The following ESR1 variants were observed in gnomAD, a reference collection of about 807,000 sequenced individuals.
The protein encoded by ESR1 is estrogen receptor 1.
In ESR1, 12 loss-of-function variants were observed where a neutral mutation model predicts 52.7. That is an observed-to-expected ratio of 0.23 (90% CI 0.15 to 0.37). ESR1 has a LOEUF of 0.37. Ranked by LOEUF, ESR1 falls within the 10% of genes least tolerant of loss-of-function variation. The probability of loss-of-function intolerance (pLI) is 1.00; values close to 1 mark genes in which losing one functional copy is unlikely to be tolerated. For synonymous variants in ESR1, 305 were observed against 316.8 expected, an observed-to-expected ratio of 0.96 and a Z score of 0.39; for missense variants, 584 against 779.7, an observed-to-expected ratio of 0.75 and a Z score of 2.99.
chr6:151,847,592 T>G (rs1007802333), intron 2 of ESR1, among the ~76,000 whole-genome samples: 1 of 139,296 alleles, frequency 7.2e-6, no homozygotes, highest in Non-Finnish European at 1.5e-5. Flanking sequence ...GGGTTGTTTG[T>G]TTTTTTCTTG....
chr6:152,115,430 C>T (rs2051199236), intron 6 of ESR1, among the ~76,000 whole-genome samples: 1 of 152,160 alleles, frequency 6.6e-6, no homozygotes, highest in Admixed American at 6.5e-5. Context: ...GAATGACAAA[C>T]TAGTTCCTTA....
intron 3 of ESR1, among the ~76,000 whole-genome samples, chr6:151,911,594 C>T (rs934044027): frequency 2.2e-4 from 34 of 152,206 alleles, no homozygotes; most frequent in Admixed American, 1.5e-3. Context: ...TGCTCTGACT[C>T]GCCTCTGGGA....
chr6:151,955,811 A>G (rs990682796), intron 4 of ESR1, among the ~76,000 whole-genome samples: 5 of 152,032 alleles, frequency 3.3e-5, no homozygotes, highest in Non-Finnish European at 7.4e-5. Context: ...TACACAGATT[A>G]TTTTGTCACC....
rs17847067 is a variant in ESR1, at chr6:152,011,696, A to G, written c.1137A>G (p.Leu379=). Residue 379 remains leucine (L), a synonymous_variant, in exon 5 of 8, where the codon CTA becomes CTG. Coordinates refer to ENST00000206249, the MANE Select transcript of ESR1 (RefSeq NM_000125.4). ...CCCTCCATGATCAGGTCCACCTTCT[A>G]GAATGTGCCTGGCTAGAGATCCTGA... ...DLTLHDQVHL[L]ECAWLEILMI... is the part of the protein sequence containing the mutation. 1 of 1,613,266 alleles carries G rather than the reference A, an allele frequency of 6.2e-7. No homozygotes were observed. The highest frequency in any genetic ancestry group is 2.2e-5 in the East Asian group (1 of 44,832).
intron 1 of ESR1, among the ~76,000 whole-genome samples, chr6:151,691,326 G>A (rs892308807): frequency 6.6e-6 from 1 of 152,106 alleles, no homozygotes; most frequent in African/African-American, 2.4e-5. Context: ...ACCACATATA[G>A]CAGTGGGCTA....
chr6:151,908,633 A>T (rs1797802223), intron 3 of ESR1, among the ~76,000 whole-genome samples: 1 of 152,198 alleles, frequency 6.6e-6, no homozygotes, highest in Admixed American at 6.5e-5. Context: ...TTCCCTAAAA[A>T]GTTATGTCAT....
At chr6:151,893,234 A>C (rs961535124) in intron 3 of ESR1, among the ~76,000 whole-genome samples, 4 of 152,172 alleles carry the variant, frequency 2.6e-5, no homozygotes, top group Non-Finnish European at 4.4e-5. Context: ...CTGTAATCCC[A>C]GCTACTCAGG....
At chr6:151,859,098 C>G (rs989970389) in intron 2 of ESR1, among the ~76,000 whole-genome samples, 1 of 152,186 alleles carries the variant, frequency 6.6e-6, no homozygotes, top group Non-Finnish European at 1.5e-5. Context: ...AACAGGACTT[C>G]ATGTTCAATA....
intron 2 of ESR1, among the ~76,000 whole-genome samples, chr6:151,744,531 G>C (rs1378373282): frequency 6.6e-6 from 1 of 152,008 alleles, no homozygotes; most frequent in South Asian, 2.1e-4. Context: ...GAAAATGTAT[G>C]TTCAATTTTT....
intron 5 of ESR1, among the ~76,000 whole-genome samples, chr6:152,014,841 A>T (rs141214202): frequency 6.6e-6 from 1 of 152,064 alleles, no homozygotes. Context: ...TGTGATCATG[A>T]TGCTTCCTGA....
At chr6:152,103,980 CT>C (rs369261779), downstream of ESR1, among the ~76,000 whole-genome samples, 1,571 of 93,844 alleles carry the variant, frequency 0.017, 15 homozygotes, top group African/African-American at 0.059. Flanking sequence ...TTCATTCTAC[CT>C]TTTTTTTTTT....
intron 4 of ESR1, among the ~76,000 whole-genome samples, chr6:151,955,252 A>G (rs2036773050): frequency 6.6e-6 from 1 of 152,180 alleles, no homozygotes; most frequent in South Asian, 2.1e-4. Flanking sequence ...AATAAACTAA[A>G]CTTAACATAC....
chr6:151,799,634 C>T (rs899363256), upstream of ESR1, among the ~76,000 whole-genome samples: 3 of 152,082 alleles, frequency 2.0e-5, no homozygotes, highest in Admixed American at 1.3e-4. Flanking sequence ...TACAGGCCAA[C>T]TTGGGGAAGC....
chr6:152,020,285 C>T (rs2043523843), intron 5 of ESR1, among the ~76,000 whole-genome samples: 1 of 152,050 alleles, frequency 6.6e-6, no homozygotes, highest in Non-Finnish European at 1.5e-5. Flanking sequence ...CAAGATCATT[C>T]CTTATGTTGG....
chr6:151,710,076 C>T lies in ESR1; in HGVS notation c.-71+8071C>T, dbSNP rs559883614. ...GTTTAAACATCACATGTTAAATAAT[C>T]TTTTCTCCAATAAATTAAATTATAT... On this transcript the variant is annotated intron_variant, in intron 2 of 2. Transcript: ENST00000404742. Among the ~76,000 whole-genome samples, 187 of 151,928 alleles carry T rather than the reference C, an allele frequency of 1.2e-3. 1 individual carries two copies. Among genetic ancestry groups the T allele is most frequent in the African/African-American group, 4.2e-3 (176 of 41,502 alleles).
intron 3 of ESR1, among the ~76,000 whole-genome samples, chr6:151,908,876 AT>A (rs397754522): frequency 0.014 from 1,955 of 144,574 alleles, 22 homozygotes; most frequent in African/African-American, 0.042. Context: ...GTTTAAAGCA[AT>A]TTTTTTTTTT....
intron 5 of ESR1, among the ~76,000 whole-genome samples, chr6:152,041,168 C>T (rs1212803675): frequency 1.3e-5 from 2 of 152,188 alleles, no homozygotes; most frequent in African/African-American, 4.8e-5. Flanking sequence ...CTAGAGGCCT[C>T]CCCTGTGATT....
rs574351515 is a variant in ESR1 at position 152,002,223 on chromosome 6, G to T, written c.1097-9433G>T. On this transcript the variant is annotated intron_variant, in intron 4 of 7. Transcript: ENST00000206249. ...GTGTGTGTGTGTGTGTGTGTGTGTGGAATATCTCACTAAAACGACAGTGTT... is the reference window on the plus strand; with the variant it reads ...GTGTGTGTGTGTGTGTGTGTGTGTGTAATATCTCACTAAAACGACAGTGTT... 3.2e-4 allele frequency among the ~76,000 whole-genome samples: 36 copies of T among 111,218 alleles called. No individual in the cohort carries two copies. The East Asian group carries it at 6.6e-3, about 20-fold the overall frequency. 73.0% of individuals were successfully genotyped at this position (111,218 alleles called of 152,430 possible).
intron 5 of ESR1, among the ~76,000 whole-genome samples, chr6:152,015,088 TTCTTA>T (rs2128794947): frequency 6.6e-6 from 1 of 152,132 alleles, no homozygotes; most frequent in South Asian, 2.1e-4. Flanking sequence ...CTGTGTAGAC[TTCTTA>T]TCTTAATAAT....
Sources: allele counts gnomAD v4.1 joint callset (sites outside exome capture counted in the v4.1 genomes callset), GRCh38; gene constraint gnomAD v4.1.1; transcripts MANE v1.5; gene names NCBI Gene and HGNC (gene_info 2026-07-23, HGNC 2026-07-21).